The following TP53BP1 variants were observed in gnomAD, a reference collection of about 807,000 sequenced individuals.
TP53BP1 encodes TP53-binding protein 1.
TP53BP1 carries 61 observed loss-of-function variants against 200.8 expected under a neutral mutation model. That is an observed-to-expected ratio of 0.30 (90% CI 0.25 to 0.38). TP53BP1 has a LOEUF of 0.38. Among genes scored for constraint, TP53BP1 ranks in the 10% least tolerant of loss-of-function variants. The pLI, the probability that TP53BP1 is intolerant of heterozygous loss-of-function variation, is 1.00. For missense variants in TP53BP1, 2,144 were observed against 2,371.9 expected (o/e 0.90, Z 2.00); for synonymous variants, 822 against 844.3 (o/e 0.97, Z 0.46).
At position 43,432,597 on chromosome 15, in the gene TP53BP1, C is replaced by T; in HGVS notation, c.3272G>A (p.Ser1091Asn). 6.2e-7 allele frequency: 1 copy of T among 1,614,104 alleles called. No individual in the cohort carries two copies. The highest frequency in any genetic ancestry group is 8.5e-7 in the Non-Finnish European group (1 of 1,179,978). The change falls in exon 17 of 28, where the codon AGT (serine) becomes AAT (asparagine). Residue 1091 changes from serine to asparagine, a missense_variant. By Grantham distance (46) the Ser-to-Asn change is conservative (BLOSUM62 1). This residue lies in a region of TP53BP1 where 1,700 missense variants were observed against 1,710.3 expected (regional missense o/e 0.99). Transcript: ENST00000382044. ...KLEGDHTIRQ[S>N]QQPMKPISPV... ...ACTAATGGGCTTCATAGGCTGTTGA[C>T]TCTGCCTGATTGTATGGTCACCCTC...
chr15:43,428,091 T>G lies in TP53BP1; in HGVS notation c.3753A>C (p.Val1251=), dbSNP rs2045590676. 1 of 1,613,392 alleles carries G rather than the reference T, an allele frequency of 6.2e-7. No homozygotes were observed. The change falls in exon 18 of 28, where the codon GTA becomes GTC. Residue 1251 remains valine (V), a synonymous_variant. Coordinates refer to ENST00000382044, the MANE Select transcript of TP53BP1 (RefSeq NM_001141980.3). ...LHRHMRTIRE[V]RTLVTRVITD... ...TAATGACACGAGTGACAAGTGTGCG[T>G]ACTTCCCGGATTGTTCTCATGTGAC... is the stretch of plus-strand genomic sequence containing the variant.
chr15:43,420,095 C>A (rs1380656063), intron 21 of TP53BP1, among the ~76,000 whole-genome samples: 1 of 152,142 alleles, frequency 6.6e-6, no homozygotes, highest in Non-Finnish European at 1.5e-5. Flanking sequence ...TTCTGTAAAT[C>A]ATCTAAAATA....
chr15:43,433,264 G>A (rs2045712097), intron 16 of TP53BP1, among the ~76,000 whole-genome samples: 1 of 152,110 alleles, frequency 6.6e-6, no homozygotes, highest in Non-Finnish European at 1.5e-5. Context: ...AGAATGAATT[G>A]GTTTCTCAAA....
In TP53BP1 at chr15:43,491,734, G is replaced by A. The variant is rs201596066; in HGVS notation, c.306C>T (p.Asn102=). 4.3e-6 allele frequency: 7 copies of A among 1,613,982 alleles called. No individual in the cohort carries two copies. In the East Asian group the frequency reaches 1.3e-4, roughly 31 times the overall value. The part of the protein sequence containing the change: ...NKVADPVDSS[N]LDTCGSISQV... ...GACTGATGGAACCACATGTGTCCAA[G>A]TTAGAAGAATCCACAGGGTCTGAAA... Residue 102 remains asparagine (N), a synonymous_variant, in exon 4 of 28, where the codon AAC becomes AAT. Coordinates refer to ENST00000382044, the MANE Select transcript of TP53BP1 (RefSeq NM_001141980.3).
intron 8 of TP53BP1, 116 bp downstream of exon 8, chr15:43,477,477 T>C: frequency 9.8e-7 from 1 of 1,018,826 alleles, no homozygotes; most frequent in Non-Finnish European, 1.4e-6. Flanking sequence ...TCCTTCCATA[T>C]CACAAACAAG....
Position 43,413,260 on chromosome 15 carries a change from C to A in TP53BP1, c.5164G>T (p.Glu1722Ter), listed in dbSNP as rs778368969. The change falls in exon 24 of 28, where the codon GAG becomes TAG. Residue 1722 changes from glutamate (E) to a stop codon, truncating the protein, a stop_gained. Coordinates refer to ENST00000382044, the MANE Select transcript of TP53BP1 (RefSeq NM_001141980.3). LOFTEE classifies it high-confidence loss of function. ...DNTGEPSALE[E>*]QRGPLPLNKT... ...TTGAGAGGCAAAGGCCCTCTCTGCT[C>A]TTCCAGGGCAGAGGGTTCACCGGTG... is the stretch of plus-strand genomic sequence containing the variant. The A allele has an allele frequency of 8.7e-5, 141 of 1,614,080 alleles. No individual in the cohort carries two copies. Among genetic ancestry groups the A allele is most frequent in the Non-Finnish European group, 1.2e-4 (136 of 1,180,044 alleles).
chr15:43,493,228 G>A (rs966882375), upstream of TP53BP1: 4 of 1,464,050 alleles, frequency 2.7e-6, no homozygotes, highest in African/African-American at 5.6e-5. Flanking sequence ...AAGAAATCCC[G>A]TGGATGATAG....
chr15:43,438,449 A>T, intron 15 of TP53BP1, 33 bp from the exon 16 acceptor site: 1 of 1,541,456 alleles, frequency 6.5e-7, no homozygotes. Flanking sequence ...TATATTGTTA[A>T]CTTTGAAAAG....
chr15:43,456,603 C>T lies in TP53BP1; in HGVS notation c.2005G>A (p.Val669Met). ...CAAGGTGTCTCAGGGATTTCTTCCA[C>T]CTCAGACCCTGAAGACCCCTCCTCT... ...HPEEGSSGSE[V>M]EEIPETPCES... is the part of the protein sequence containing the mutation. The change falls in exon 12 of 28, where the codon GTG becomes ATG. Residue 669 changes from valine to methionine, a missense_variant. Val to Met is a conservative substitution (Grantham distance 21). Around this residue, in one of 4 missense-constraint regions of TP53BP1, gnomAD observed 1,700 missense variants for 1,710.3 expected, o/e 0.99. Transcript: ENST00000382044. The T allele has an allele frequency of 6.2e-7, 1 of 1,614,166 alleles. No individual in the cohort carries two copies. Among genetic ancestry groups the T allele is most frequent in the South Asian group, 1.1e-5 (1 of 91,080 alleles).
intron 18 of TP53BP1, among the ~76,000 whole-genome samples, chr15:43,423,562 C>G (rs1339085701): frequency 7.1e-6 from 1 of 141,066 alleles, no homozygotes; most frequent in East Asian, 2.0e-4. Context: ...AAAGCTGAGG[C>G]AGAAGAATCA....
At position 43,435,551 on chromosome 15, in the gene TP53BP1, CAT is replaced by C. The variant is rs2045775792; in HGVS notation, c.3191+2771_3191+2772del. On this transcript the variant is annotated intron_variant, in intron 16 of 27. Transcript: ENST00000382044. ...CATTACTACACCACTGTTAAAATCACATGATTTCAGGATCATCTGATTCCCAA... is the reference window on the plus strand; with the variant it reads ...CATTACTACACCACTGTTAAAATCACGATTTCAGGATCATCTGATTCCCAA... 1.3e-5 allele frequency among the ~76,000 whole-genome samples: 2 copies of C among 152,214 alleles called. 1 individual carries two copies. The highest frequency in any genetic ancestry group is 4.1e-4 in the South Asian group (2 of 4,832).
At position 43,416,419 on chromosome 15, in the gene TP53BP1, G is replaced by A. The variant is rs1285949574; in HGVS notation, c.4682-3C>T. On this transcript the variant is annotated splice_polypyrimidine_tract_variant and splice_region_variant and intron_variant, in intron 21 of 27. Coordinates refer to ENST00000382044, the MANE Select transcript of TP53BP1 (RefSeq NM_001141980.3). ...CTTCCTATGTCCTTTCACCACTCCT[G>A]GGGGGTGGAAAGCATAAAAGAAGCT... is the stretch of plus-strand genomic sequence containing the variant. 2 of 1,612,612 alleles carry A rather than the reference G, an allele frequency of 1.2e-6. No individual in the cohort carries two copies. The highest frequency in any genetic ancestry group is 2.2e-5 in the East Asian group (1 of 44,862).
intron 4 of TP53BP1, among the ~76,000 whole-genome samples, chr15:43,488,390 G>T (rs919384305): frequency 2.6e-5 from 4 of 152,122 alleles, no homozygotes; most frequent in Non-Finnish European, 5.9e-5. Flanking sequence ...ATGAAGAATG[G>T]ATTAATGGCT....
chr15:43,447,190 T>C, intron 13 of TP53BP1, 176 bp downstream of exon 13: 1 of 624,596 alleles, frequency 1.6e-6, no homozygotes, highest in Non-Finnish European at 2.7e-6. Flanking sequence ...TTCCTCTCTT[T>C]ACCCCTCATC....
At chr15:43,427,773 C>G (rs1230155138) in intron 18 of TP53BP1, among the ~76,000 whole-genome samples, 4 of 151,958 alleles carry the variant, frequency 2.6e-5, no homozygotes, top group Admixed American at 2.6e-4. Context: ...CTGGGCAACA[C>G]AGTGGGACCT....
chr15:43,477,452 A>T lies in TP53BP1; in HGVS notation c.955+141T>A, dbSNP rs2078900956. On this transcript the variant is annotated intron_variant, in intron 8 of 27. Transcript: ENST00000382044. ...TCCCAAAAAGCCCTTCTCACTAATT[A>T]CTAGAAACACGTTTTCCTTCCATAT... is the stretch of plus-strand genomic sequence containing the variant. The T allele has an allele frequency of 8.5e-6, 6 of 709,922 alleles. No individual in the cohort carries two copies. The South Asian group carries it at 1.2e-4, about 15-fold the overall frequency. The allele number at this position is 709,922 out of a possible 1,614,324, so 44.0% of individuals were successfully genotyped here.
chr15:43,479,837 T>C (rs1273501083), intron 6 of TP53BP1, 22 bp downstream of exon 6: 1 of 1,612,688 alleles, frequency 6.2e-7, no homozygotes. Flanking sequence ...CAACTCCAAA[T>C]GCCAGAAAAC....
At chr15:43,446,891 A>G in intron 13 of TP53BP1, 1 of 951,420 alleles carries the variant, frequency 1.1e-6, no homozygotes, top group Non-Finnish European at 1.6e-6. Flanking sequence ...TCCAGACGGC[A>G]TGATTGTTAC....
intron 8 of TP53BP1, 25 bp from the exon 9 acceptor site, chr15:43,475,719 A>C: frequency 6.2e-7 from 1 of 1,612,784 alleles, no homozygotes; most frequent in South Asian, 1.1e-5. Context: ...TTCCAGTTGC[A>C]CTTCTCAGAT....
Sources: gnomAD v4.1 joint callset for allele counts (sites outside exome capture counted in the v4.1 genomes callset) on GRCh38, gnomAD v4.1.1 for gene constraint, gnomAD v4.1.1 regional missense constraint, MANE v1.5 for transcripts, NCBI Gene and HGNC (gene_info 2026-07-23, HGNC 2026-07-21) for gene names.